Variants in MCM5 observed in about 807,000 individuals in gnomAD.
MCM5 encodes minichromosome maintenance complex component 5.
MCM5 carries 46 observed loss-of-function variants against 79.9 expected under a neutral mutation model. That is an observed-to-expected ratio of 0.58 (90% CI 0.45 to 0.74). MCM5 has a LOEUF of 0.74. Among genes scored for constraint, MCM5 ranks in the 30% least tolerant of loss-of-function variants. The pLI is 0.00. For synonymous variants in MCM5, 404 were observed against 390.5 expected, an observed-to-expected ratio of 1.03 and a Z score of -0.41; for missense variants, 883 against 1,017.0, an observed-to-expected ratio of 0.87 and a Z score of 1.79.
At chr22:35,450,163 G>A in the MCM5 span, among the ~76,000 whole-genome samples, 6 of 152,292 alleles carry the variant, frequency 3.9e-5, no homozygotes, top group Non-Finnish European at 7.3e-5. Flanking sequence ...ACAGAATGGG[G>A]ATAATGGAAT....
At chr22:35,426,977 T>C (rs1932782958), downstream of MCM5, among the ~76,000 whole-genome samples, 1 of 152,224 alleles carries the variant, frequency 6.6e-6, no homozygotes, top group South Asian at 2.1e-4. Context: ...ACCTGGTTTC[T>C]CTCTCTGTTC....
Position 35,406,594 on chromosome 22 carries a change from C to G in MCM5, c.465C>G (p.Ile155Met), listed in dbSNP as rs571490966. 3.1e-6 allele frequency: 5 copies of G among 1,613,878 alleles called. No individual in the cohort carries two copies. The highest frequency in any genetic ancestry group is 2.5e-6 in the Non-Finnish European group (3 of 1,180,002). The change falls in exon 5 of 17, where the codon ATC becomes ATG. Residue 155 changes from isoleucine to methionine, a missense_variant. Around this residue, in one of 3 missense-constraint regions of MCM5, gnomAD observed 455 missense variants for 517.5 expected, o/e 0.88. Coordinates refer to ENST00000216122, the MANE Select transcript of MCM5 (RefSeq NM_006739.4). The stretch of plus-strand genomic sequence containing the variant: ...ACCTGGTGAAGATCCCTGGCATCAT[C>G]ATCGCGGCCTCTGCGGTCCGTGCCA... The part of the protein sequence containing the change: ...MSHLVKIPGI[I>M]IAASAVRAKA...
chr22:35,446,614 G>T, the MCM5 span, among the ~76,000 whole-genome samples: 1 of 152,128 alleles, frequency 6.6e-6, no homozygotes, highest in East Asian at 1.9e-4. Flanking sequence ...ACGGCATGTG[G>T]AGGGGAACAA....
chr22:35,447,467 GTATTTATT>G, the MCM5 span, among the ~76,000 whole-genome samples: 119,693 of 151,240 alleles, frequency 0.79, 47,958 homozygotes, highest in African/African-American at 0.88. Context: ...ATGTATTTAT[GTATTTATT>G]TATTTATTTA....
At chr22:35,445,036 AC>A in the MCM5 span, among the ~76,000 whole-genome samples, 4 of 152,112 alleles carry the variant, frequency 2.6e-5, no homozygotes, top group Non-Finnish European at 4.4e-5. Flanking sequence ...GTGGAAGCTC[AC>A]CAGGTGGACA....
the MCM5 span, among the ~76,000 whole-genome samples, chr22:35,445,444 T>G: frequency 1.3e-5 from 2 of 149,854 alleles, no homozygotes; most frequent in Non-Finnish European, 3.0e-5. Context: ...TTCTCCTGTC[T>G]CAGCCTCCTG....
chr22:35,419,191 C>A (rs895098232), intron 13 of MCM5, among the ~76,000 whole-genome samples: 11 of 152,218 alleles, frequency 7.2e-5, no homozygotes, highest in African/African-American at 2.7e-4. Flanking sequence ...GGATTCTAAT[C>A]TTCCCTCTGC....
chr22:35,439,788 A>G, the MCM5 span, among the ~76,000 whole-genome samples: 2 of 152,260 alleles, frequency 1.3e-5, no homozygotes, highest in East Asian at 1.9e-4. Flanking sequence ...TCTGAACCCC[A>G]TTTTCCCCAT....
the MCM5 span, among the ~76,000 whole-genome samples, chr22:35,438,476 TATCCATCC>T: frequency 6.1e-3 from 659 of 107,720 alleles, 10 homozygotes; most frequent in Middle Eastern, 9.1e-3. Flanking sequence ...TCCATCCACA[TATCCATCC>T]ATCCATCCAT....
chr22:35,410,839 A>G lies in MCM5; in HGVS notation c.848A>G (p.Asp283Gly). The G allele has an allele frequency of 6.2e-7, 1 of 1,613,866 alleles. No homozygotes were observed. Among genetic ancestry groups the G allele is most frequent in the Admixed American group, 1.7e-5 (1 of 60,000 alleles). The change falls in exon 7 of 17, where the codon GAC becomes GGC. Residue 283 changes from aspartate to glycine, a missense_variant. By Grantham distance (94) the Asp-to-Gly change is moderately conservative (BLOSUM62 -1). This residue lies in a region of MCM5 where 455 missense variants were observed against 517.5 expected (regional missense o/e 0.88). Transcript: ENST00000216122. ...GGCCTGACTACCAGCAGGGGCCGTG[A>G]CAGGGTGGGCGTGGGCATCCGAAGC... is the stretch of plus-strand genomic sequence containing the variant. ...KFGLTTSRGR[D>G]RVGVGIRSSY... is the part of the protein sequence containing the mutation.
At chr22:35,429,081 G>T (rs564450731), downstream of MCM5, among the ~76,000 whole-genome samples, 51 of 144,990 alleles carry the variant, frequency 3.5e-4, no homozygotes, top group African/African-American at 1.3e-3. Context: ...CGCCTCCCAG[G>T]TTCAAGCAAT....
In MCM5 at chr22:35,404,532, G is replaced by C. The variant is rs555005779; in HGVS notation, c.423+990G>C. ...GGAAGTTAGATGCAAAGGCCTGACTGTGTTTCGATTTCACATACCGGGCAA... is the reference window on the plus strand; with the variant it reads ...GGAAGTTAGATGCAAAGGCCTGACTCTGTTTCGATTTCACATACCGGGCAA... On this transcript the variant is annotated intron_variant, in intron 4 of 16. Coordinates refer to ENST00000216122, the MANE Select transcript of MCM5 (RefSeq NM_006739.4). 1.8e-4 allele frequency among the ~76,000 whole-genome samples: 7 copies of C among 39,782 alleles called. No homozygotes were observed. The East Asian group carries it at 1.9e-3, about 11-fold the overall frequency. The allele number at this position is 39,782 out of a possible 152,430, so 26.1% of individuals were successfully genotyped here.
intron 15 of MCM5, 73 bp from the exon 16 acceptor site, chr22:35,423,141 G>T: frequency 1.4e-6 from 2 of 1,467,854 alleles, no homozygotes; most frequent in Non-Finnish European, 1.8e-6. Context: ...TCTTCCTTGG[G>T]CTAGAGGCTG....
At chr22:35,453,819 T>TATATATATATAGAGAGAGAGAG in the MCM5 span, among the ~76,000 whole-genome samples, 13 of 81,542 alleles carry the variant, frequency 1.6e-4, no homozygotes, top group African/African-American at 5.4e-4. Context: ...TATATATATA[T>TATATATATATAGAGAGAGAGAG]AGAGAGAGAG....
In MCM5 at chr22:35,417,831, A is replaced by G; in HGVS notation, c.1678A>G (p.Lys560Glu). The change falls in exon 13 of 17, where the codon AAG becomes GAG. Residue 560 changes from lysine to glutamate, a missense_variant. By Grantham distance (56) the Lys-to-Glu change is moderately conservative (BLOSUM62 1). Coordinates refer to ENST00000216122, the MANE Select transcript of MCM5 (RefSeq NM_006739.4). ...VEGEIDLAKL[K>E]KFIAYCRVKC... ...GGGCGAGATTGACCTGGCCAAGCTG[A>G]AGAAGTTTATTGCCTACTGCCGAGT... 1.2e-6 allele frequency: 2 copies of G among 1,614,090 alleles called. No homozygotes were observed. The highest frequency in any genetic ancestry group is 1.7e-6 in the Non-Finnish European group (2 of 1,179,968).
chr22:35,453,991 C>T, the MCM5 span, among the ~76,000 whole-genome samples: 1 of 151,526 alleles, frequency 6.6e-6, no homozygotes, highest in Non-Finnish European at 1.5e-5. Context: ...CTCCTCTTCC[C>T]TCCTCAGCTC....
At chr22:35,436,726 G>A in the MCM5 span, among the ~76,000 whole-genome samples, 2 of 152,220 alleles carry the variant, frequency 1.3e-5, no homozygotes, top group Non-Finnish European at 2.9e-5. Context: ...AGGGCCACAG[G>A]CCATTCTGGG....
At chr22:35,450,507 G>T in the MCM5 span, among the ~76,000 whole-genome samples, 2 of 152,106 alleles carry the variant, frequency 1.3e-5, no homozygotes, top group Admixed American at 1.3e-4. Flanking sequence ...GCCCAGACTC[G>T]CCCGCCTGAC....
downstream of MCM5, among the ~76,000 whole-genome samples, chr22:35,427,214 T>C (rs1932783974): frequency 6.6e-6 from 1 of 152,222 alleles, no homozygotes. Context: ...AACCCAGTGC[T>C]GGAAAACATA....
Sources: allele counts gnomAD v4.1 joint callset (sites outside exome capture counted in the v4.1 genomes callset), GRCh38; gene constraint gnomAD v4.1.1; regional missense constraint gnomAD v4.1.1; transcripts MANE v1.5; gene names NCBI Gene and HGNC (gene_info 2026-07-23, HGNC 2026-07-21).